The following PIH1D2 variants were observed in gnomAD, a reference collection of about 807,000 sequenced individuals.
PIH1D2 encodes PIH1 domain-containing protein 2.
A neutral mutation model predicts 31.2 loss-of-function variants in PIH1D2; 25 were observed. The observed-to-expected ratio is 0.80, with a 90% confidence interval of 0.58 to 1.12. The LOEUF (loss-of-function observed/expected upper bound fraction) is 1.12. Among genes scored for constraint, PIH1D2 ranks in the 50% most tolerant of loss-of-function variants. The pLI is 0.00. For synonymous variants in PIH1D2, 116 were observed against 119.9 expected (o/e 0.97, Z 0.21); for missense variants, 310 against 356.6 (o/e 0.87, Z 1.05).
downstream of PIH1D2, chr11:112,064,307 C>T (rs1442139353): frequency 2.6e-6 from 3 of 1,160,502 alleles, no homozygotes; most frequent in Non-Finnish European, 3.5e-6. Flanking sequence ...TCGATTCAGT[C>T]TCTTACCAGA....
At chr11:112,068,912 G>A (rs1310833824) in intron 5 of PIH1D2, among the ~76,000 whole-genome samples, 1 of 151,100 alleles carries the variant, frequency 6.6e-6, no homozygotes, top group African/African-American at 2.4e-5. Flanking sequence ...TATCAACCAA[G>A]CTGATTAAGG....
At chr11:112,071,509 A>C in intron 3 of PIH1D2, 126 bp downstream of exon 3, 1 of 1,329,754 alleles carries the variant, frequency 7.5e-7, no homozygotes, top group Non-Finnish European at 1.0e-6. Context: ...ATTTGCATAA[A>C]GATACACTAA....
intron 5 of PIH1D2, 147 bp from the exon 6 acceptor site, chr11:112,068,152 C>T (rs587712933): frequency 1.7e-6 from 1 of 595,684 alleles, no homozygotes; most frequent in African/African-American, 1.9e-5. Flanking sequence ...GTTGTAAATC[C>T]CTTAGATTTT....
chr11:112,070,063 A>G (rs926583805), intron 5 of PIH1D2: 2 of 346,220 alleles, frequency 5.8e-6, no homozygotes, highest in Admixed American at 8.6e-5. Flanking sequence ...GACTCTAACT[A>G]TTTGCTCTTC....
the PIH1D2 span, among the ~76,000 whole-genome samples, chr11:112,056,688 C>T: frequency 8.6e-5 from 13 of 151,966 alleles, no homozygotes; most frequent in African/African-American, 2.7e-4. Context: ...CAGTAGATTC[C>T]TAGGAGTGGA....
At chr11:112,069,106 C>A (rs1479201836) in intron 5 of PIH1D2, among the ~76,000 whole-genome samples, 1 of 147,952 alleles carries the variant, frequency 6.8e-6, no homozygotes, top group Non-Finnish European at 1.5e-5. Flanking sequence ...TCAAGCAGTT[C>A]TCCTGCCTCA....
At chr11:112,061,286 C>T, downstream of PIH1D2, 1 of 1,108,410 alleles carries the variant, frequency 9.0e-7, no homozygotes, top group South Asian at 1.3e-5. Flanking sequence ...TATCGTGATC[C>T]ACAATGCTCA....
downstream of PIH1D2, among the ~76,000 whole-genome samples, chr11:112,065,101 A>G (rs1864873327): frequency 6.6e-6 from 1 of 151,856 alleles, no homozygotes. Context: ...CAGCCTCCCA[A>G]AGGGCTGGGA....
intron 5 of PIH1D2, 51 bp downstream of exon 5, chr11:112,070,385 G>T: frequency 6.4e-7 from 1 of 1,571,946 alleles, no homozygotes; most frequent in Middle Eastern, 2.2e-4. Context: ...CATAATATAT[G>T]TTAGTGAATG....
downstream of PIH1D2, chr11:112,064,233 A>T (rs1185922843): frequency 5.2e-6 from 8 of 1,553,362 alleles, no homozygotes; most frequent in Non-Finnish European, 6.9e-6. Context: ...TTGAAAAAAA[A>T]TAAAAACAGT....
rs782089943 is a variant in PIH1D2 at position 112,073,064 on chromosome 11, C to G, written c.111G>C (p.Gln37His). The G allele has an allele frequency of 1.2e-6, 2 of 1,614,054 alleles. No individual in the cohort carries two copies. The highest frequency in any genetic ancestry group is 1.7e-6 in the Non-Finnish European group (2 of 1,180,030). Residue 37 changes from glutamine (Q) to histidine (H), a missense_variant, in exon 2 of 6, where the codon CAG (glutamine) becomes CAC (histidine). By Grantham distance (24) the Gln-to-His change is conservative. Transcript: ENST00000280350. ...PEGYEKFIQQQLKEGKQLCAA... is the reference protein window; with the variant it reads ...PEGYEKFIQQHLKEGKQLCAA... ...CACAGAGCTGTTTCCCTTCTTTCAG[C>G]TGCTGCTGAATAAACTTCTCATAGC...
chr11:112,054,579 C>T, the PIH1D2 span, among the ~76,000 whole-genome samples: 1 of 152,210 alleles, frequency 6.6e-6, no homozygotes, highest in Non-Finnish European at 1.5e-5. Flanking sequence ...ATTTCTCAAT[C>T]TGATCAAACC....
the PIH1D2 span, among the ~76,000 whole-genome samples, chr11:112,055,970 C>T: frequency 4.9e-5 from 7 of 142,486 alleles, no homozygotes; most frequent in East Asian, 1.4e-3. Flanking sequence ...CGGGTTCAAG[C>T]GATTCTCCTG....
downstream of PIH1D2, chr11:112,061,121 T>C (rs1322990872): frequency 6.2e-7 from 1 of 1,614,046 alleles, no homozygotes; most frequent in African/African-American, 1.3e-5. Flanking sequence ...AAGCATGTAT[T>C]TTGGCAATTG....
At chr11:112,068,411 G>A (rs1209486910) in intron 5 of PIH1D2, among the ~76,000 whole-genome samples, 1 of 152,192 alleles carries the variant, frequency 6.6e-6, no homozygotes, top group Non-Finnish European at 1.5e-5. Flanking sequence ...AGATGGTAAT[G>A]TGTTGGTTCT....
intron 2 of PIH1D2, chr11:112,072,599 C>T (rs1199680901): frequency 7.0e-6 from 1 of 142,604 alleles, no homozygotes; most frequent in African/African-American, 2.6e-5. Context: ...CGCAGTGGCT[C>T]ATGCCTGTAA....
rs782385580 is a variant in PIH1D2 at position 112,067,914 on chromosome 11, A to T, written c.905T>A (p.Ile302Asn). Residue 302 changes from isoleucine (I) to asparagine (N), a missense_variant, in exon 6 of 6, where the codon ATC (isoleucine) becomes AAC (asparagine). Physicochemically the swap from Ile to Asn is moderately radical, Grantham distance 149. Coordinates refer to ENST00000280350, the MANE Select transcript of PIH1D2 (RefSeq NM_138789.4). The part of the protein sequence containing the change: ...IDTEMTTAKF[I>N]KEKSTLIITM... ...GATGATTAGCGTGGATTTTTCTTTG[A>T]TAAATTTTGCTGTGGTCATTTCAGT... 6.2e-7 allele frequency: 1 copy of T among 1,611,400 alleles called. No individual in the cohort carries two copies. Among genetic ancestry groups the T allele is most frequent in the Non-Finnish European group, 8.5e-7 (1 of 1,178,316 alleles).
chr11:112,070,684 T>C lies in PIH1D2; in HGVS notation c.565A>G (p.Ile189Val). 1 of 1,614,072 alleles carries C rather than the reference T, an allele frequency of 6.2e-7. No individual in the cohort carries two copies. The highest frequency in any genetic ancestry group is 8.5e-7 in the Non-Finnish European group (1 of 1,179,998). ...KMRRELTLGQ[I>V]RSSTMSNPDH... ...GGATTGCTCATAGTACTGCTTCGTA[T>C]CTGTCCAAGAGTTAGTTCTTTATGA... Residue 189 changes from isoleucine to valine, a missense_variant, in exon 5 of 6, where the codon ATA (isoleucine) becomes GTA (valine). Ile to Val is a conservative substitution (Grantham distance 29). Coordinates refer to ENST00000280350, the MANE Select transcript of PIH1D2 (RefSeq NM_138789.4).
At chr11:112,062,640 T>G (rs1194679251), downstream of PIH1D2, 3 of 1,326,768 alleles carry the variant, frequency 2.3e-6, no homozygotes, top group Non-Finnish European at 2.1e-6. Flanking sequence ...ACCAGTTATT[T>G]TTATTATTGA....
Sources: gnomAD v4.1 joint callset for allele counts (sites outside exome capture counted in the v4.1 genomes callset) on GRCh38, gnomAD v4.1.1 for gene constraint, MANE v1.5 for transcripts, NCBI Gene and HGNC (gene_info 2026-07-23, HGNC 2026-07-21) for gene names.